LRRC4C: variants seen among roughly 807,000 people sequenced by gnomAD.
The protein encoded by LRRC4C is leucine-rich repeat-containing protein 4C.
LRRC4C carries 5 observed loss-of-function variants against 33.6 expected under a neutral mutation model. That is an observed-to-expected ratio of 0.15 (90% CI 0.08 to 0.31). The LOEUF is 0.31. Among genes scored for constraint, LRRC4C ranks in the 10% least tolerant of loss-of-function variants. LRRC4C has a pLI of 1.00. For synonymous variants in LRRC4C, 329 were observed against 302.0 expected (o/e 1.09, Z -0.93); for missense variants, 560 against 796.7 (o/e 0.70, Z 3.58).
intron 1 of LRRC4C, among the ~76,000 whole-genome samples, chr11:41,000,911 A>T (rs540046541): frequency 2.6e-5 from 4 of 152,184 alleles, no homozygotes; most frequent in Non-Finnish European, 5.9e-5. Flanking sequence ...AAAATAGTAT[A>T]TTGGAGAAAT....
At chr11:40,653,794 G>T (rs1393100908) in intron 2 of LRRC4C, among the ~76,000 whole-genome samples, 1 of 152,196 alleles carries the variant, frequency 6.6e-6, no homozygotes, top group East Asian at 1.9e-4. Context: ...TCCAGGGCAT[G>T]TCAGAGGTCT....
chr11:40,478,527 T>C (rs1015391503), intron 3 of LRRC4C, among the ~76,000 whole-genome samples: 1 of 152,166 alleles, frequency 6.6e-6, no homozygotes, highest in Non-Finnish European at 1.5e-5. Context: ...AAGTTAAGAA[T>C]GTTTATTTTC....
chr11:41,212,891 A>G (rs1946881697), intron 1 of LRRC4C, among the ~76,000 whole-genome samples: 1 of 152,200 alleles, frequency 6.6e-6, no homozygotes, highest in South Asian at 2.1e-4. Flanking sequence ...CCATGTACCT[A>G]ACACATTGAA....
chr11:41,348,888 A>G (rs1951884693), intron 1 of LRRC4C, among the ~76,000 whole-genome samples: 1 of 152,296 alleles, frequency 6.6e-6, no homozygotes, highest in Middle Eastern at 3.4e-3. Context: ...AACTTCCCAG[A>G]TAGTTAGCAG....
chr11:40,492,756 G>A (rs1954224090), intron 3 of LRRC4C, among the ~76,000 whole-genome samples: 1 of 151,996 alleles, frequency 6.6e-6, no homozygotes, highest in Admixed American at 6.6e-5. Context: ...ACATCAACAG[G>A]CTTTACCTAT....
intron 2 of LRRC4C, among the ~76,000 whole-genome samples, chr11:40,782,237 G>A (rs1357695436): frequency 6.6e-6 from 1 of 151,962 alleles, no homozygotes; most frequent in East Asian, 1.9e-4. Context: ...CTATGTCATA[G>A]TAACATTTTT....
chr11:40,522,423 C>T (rs993153338), intron 3 of LRRC4C, among the ~76,000 whole-genome samples: 1 of 152,050 alleles, frequency 6.6e-6, no homozygotes, highest in Non-Finnish European at 1.5e-5. Context: ...CCCATAATTC[C>T]CAAGTGTTGT....
At chr11:40,825,741 A>G (rs937776666) in intron 2 of LRRC4C, among the ~76,000 whole-genome samples, 2 of 151,790 alleles carry the variant, frequency 1.3e-5, no homozygotes, top group Non-Finnish European at 2.9e-5. Context: ...AAGACACGAC[A>G]TGTCCCCATT....
intron 4 of LRRC4C, among the ~76,000 whole-genome samples, chr11:40,244,871 A>C (rs1236713507): frequency 3.3e-5 from 5 of 152,110 alleles, no homozygotes; most frequent in Admixed American, 1.3e-4. Flanking sequence ...TATTATTACC[A>C]CTTATATTGT....
At chr11:40,839,213 TTCA>T (rs1471619194) in intron 2 of LRRC4C, among the ~76,000 whole-genome samples, 2 of 152,122 alleles carry the variant, frequency 1.3e-5, no homozygotes, top group African/African-American at 4.8e-5. Flanking sequence ...GCTATAAGCA[TTCA>T]TCACCTATTT....
intron 3 of LRRC4C, among the ~76,000 whole-genome samples, chr11:40,586,583 T>C (rs1268536026): frequency 6.7e-6 from 1 of 149,402 alleles, no homozygotes; most frequent in African/African-American, 2.5e-5. Context: ...GCCTAGGTTT[T>C]CTTCTAGGGT....
chr11:40,588,329 T>C (rs1368930485), intron 3 of LRRC4C, among the ~76,000 whole-genome samples: 1 of 152,150 alleles, frequency 6.6e-6, no homozygotes, highest in Non-Finnish European at 1.5e-5. Flanking sequence ...GATATCCCCT[T>C]TACCATTTTT....
chr11:41,255,656 C>T (rs989093073), intron 1 of LRRC4C, among the ~76,000 whole-genome samples: 5 of 151,866 alleles, frequency 3.3e-5, no homozygotes, highest in Non-Finnish European at 5.9e-5. Flanking sequence ...GCTATTATTC[C>T]CCCCTCTGAC....
At chr11:41,093,002 T>C (rs1395853910) in intron 1 of LRRC4C, among the ~76,000 whole-genome samples, 1 of 152,244 alleles carries the variant, frequency 6.6e-6, no homozygotes, top group African/African-American at 2.4e-5. Context: ...CATCAATTTC[T>C]AGAACATAGT....
chr11:40,589,692 G>A (rs1958941553), intron 3 of LRRC4C, among the ~76,000 whole-genome samples: 1 of 151,554 alleles, frequency 6.6e-6, no homozygotes, highest in Admixed American at 6.6e-5. Flanking sequence ...AAATCTCTCA[G>A]CATTTGCTTG....
At chr11:41,260,941 C>G (rs185444411) in intron 1 of LRRC4C, among the ~76,000 whole-genome samples, 1 of 152,174 alleles carries the variant, frequency 6.6e-6, no homozygotes, top group Admixed American at 6.6e-5. Flanking sequence ...ACTGTACTTT[C>G]TCTTCTTAGG....
chr11:41,118,072 T>C (rs554545123), intron 1 of LRRC4C, among the ~76,000 whole-genome samples: 1 of 152,304 alleles, frequency 6.6e-6, no homozygotes, highest in South Asian at 2.1e-4. Flanking sequence ...CATGTGTCAA[T>C]GTATACATTA....
chr11:40,739,023 G>A (rs1948027867), intron 2 of LRRC4C, among the ~76,000 whole-genome samples: 1 of 55,450 alleles, frequency 1.8e-5, no homozygotes, highest in African/African-American at 5.5e-5. Flanking sequence ...GTGTGTGTGT[G>A]TGTGTATGTG....
intron 2 of LRRC4C, among the ~76,000 whole-genome samples, chr11:40,863,366 C>A (rs191519074): frequency 6.6e-6 from 1 of 152,080 alleles, no homozygotes. Flanking sequence ...AATTTAAGGA[C>A]GGGATAGTTT....
Sources: gnomAD v4.1 joint callset for allele counts (sites outside exome capture counted in the v4.1 genomes callset) on GRCh38, gnomAD v4.1.1 for gene constraint, MANE v1.5 for transcripts, NCBI Gene and HGNC (gene_info 2026-07-23, HGNC 2026-07-21) for gene names.